The following TRPM3 variants were observed in gnomAD, a reference collection of about 807,000 sequenced individuals.
TRPM3 encodes the protein long transient receptor potential channel 3.
In TRPM3, 77 loss-of-function variants were observed where a neutral mutation model predicts 181.2. The observed-to-expected ratio is 0.42, with a 90% CI of 0.35 to 0.51. The LOEUF (loss-of-function observed/expected upper bound fraction) is 0.51. Ranked by LOEUF, TRPM3 falls within the 20% of genes least tolerant of loss-of-function variation. The probability of loss-of-function intolerance (pLI) is 0.01; values close to 1 mark genes in which losing one functional copy is unlikely to be tolerated. For synonymous variants in TRPM3, 745 were observed against 796.4 expected (o/e 0.94, Z 1.09); for missense variants, 1,759 against 2,196.7 (o/e 0.80, Z 3.98).
At chr9:71,353,435 T>G (rs1048566381) in intron 1 of TRPM3, among the ~76,000 whole-genome samples, 5 of 152,284 alleles carry the variant, frequency 3.3e-5, no homozygotes, top group African/African-American at 1.2e-4. Context: ...TACTGTCCCC[T>G]GGCTTTTCCT....
chr9:70,874,526 A>C lies in TRPM3; in HGVS notation c.178-10015T>G, dbSNP rs150900146. 5.2e-4 allele frequency among the ~76,000 whole-genome samples: 79 copies of C among 152,060 alleles called. No homozygotes were observed. In the East Asian group the frequency reaches 0.014, roughly 28 times the overall value. On this transcript the variant is annotated intron_variant, in intron 1 of 25. Transcript: ENST00000677713. ...ATGAGGCTATGCTGGTGGGAATTAT[A>C]ACTTCGTTTTCTGTCAAGTAAATGC...
At chr9:70,673,949 C>CAAAAAAA (rs5898160) in intron 9 of TRPM3, among the ~76,000 whole-genome samples, 2 of 89,630 alleles carry the variant, frequency 2.2e-5, no homozygotes, top group Non-Finnish European at 4.0e-5. Flanking sequence ...AACTCCATCT[C>CAAAAAAA]AAAAAAAAAA....
At chr9:71,256,011 ATC>A (rs2082649361) in intron 1 of TRPM3, among the ~76,000 whole-genome samples, 1 of 152,234 alleles carries the variant, frequency 6.6e-6, no homozygotes, top group African/African-American at 2.4e-5. Context: ...TGCTTCCAAG[ATC>A]TGAGATGTGA....
chr9:70,954,789 C>T (rs1037448465), intron 1 of TRPM3, among the ~76,000 whole-genome samples: 24 of 150,962 alleles, frequency 1.6e-4, no homozygotes, highest in African/African-American at 5.8e-4. Context: ...CACCATACAT[C>T]CTCGGGGAGA....
chr9:71,209,730 T>C (rs1200723551), intron 1 of TRPM3, among the ~76,000 whole-genome samples: 6 of 152,148 alleles, frequency 3.9e-5, no homozygotes, highest in African/African-American at 9.7e-5. Context: ...CATTATTAAA[T>C]AGTTGGAAAA....
At chr9:71,407,852 G>A (rs540471920) in intron 1 of TRPM3, among the ~76,000 whole-genome samples, 9 of 152,236 alleles carry the variant, frequency 5.9e-5, no homozygotes, top group African/African-American at 1.4e-4. Context: ...TCATACAGCC[G>A]GGTGCCCCTC....
chr9:71,031,334 T>A (rs2057274534), intron 1 of TRPM3, among the ~76,000 whole-genome samples: 1 of 152,204 alleles, frequency 6.6e-6, no homozygotes, highest in Non-Finnish European at 1.5e-5. Flanking sequence ...GACAGCAGAA[T>A]TATGGTTAGC....
At position 71,338,675 on chromosome 9, in the gene TRPM3, CA is replaced by C. The variant is rs142305654; in HGVS notation, c.183+107977del. ...CTGAAATAAAACATGTAACTAGCTG[CA>C]AAAAAAAGCCTTTGACAAGATTTAA... On this transcript the variant is annotated intron_variant, in intron 1 of 24. Coordinates refer to the TRPM3 transcript ENST00000357533. Among the ~76,000 whole-genome samples, 733 of 151,132 alleles carry C rather than the reference CA, an allele frequency of 4.9e-3. 10 individuals are homozygous for C. Among genetic ancestry groups the C allele is most frequent in the African/African-American group, 0.017 (703 of 41,216 alleles).
chr9:70,657,817 A>T (rs1430076225), intron 9 of TRPM3, among the ~76,000 whole-genome samples: 1 of 152,148 alleles, frequency 6.6e-6, no homozygotes, highest in African/African-American at 2.4e-5. Flanking sequence ...CGATCAAAGT[A>T]AACTGCATTC....
At chr9:71,098,186 T>C (rs970110080) in intron 1 of TRPM3, among the ~76,000 whole-genome samples, 1 of 152,062 alleles carries the variant, frequency 6.6e-6, no homozygotes, top group African/African-American at 2.4e-5. Context: ...TATCTACTAC[T>C]GACACAACCC....
intron 6 of TRPM3, among the ~76,000 whole-genome samples, chr9:70,793,077 C>G (rs921334107): frequency 6.6e-6 from 1 of 152,246 alleles, no homozygotes; most frequent in South Asian, 2.1e-4. Context: ...AAAATAACTT[C>G]TTAGCCCATG....
At chr9:70,956,330 C>T (rs2097071627) in intron 1 of TRPM3, among the ~76,000 whole-genome samples, 1 of 103,844 alleles carries the variant, frequency 9.6e-6, no homozygotes. Context: ...CCTTAGAAAG[C>T]ACTGGCTTCT....
At chr9:70,697,605 G>C (rs1038228462) in intron 8 of TRPM3, among the ~76,000 whole-genome samples, 1 of 152,122 alleles carries the variant, frequency 6.6e-6, no homozygotes, top group African/African-American at 2.4e-5. Flanking sequence ...TAGAATGACT[G>C]TTTAGGAGTG....
At chr9:71,248,343 G>T (rs1159542965) in intron 1 of TRPM3, among the ~76,000 whole-genome samples, 1 of 152,168 alleles carries the variant, frequency 6.6e-6, no homozygotes, top group African/African-American at 2.4e-5. Context: ...TCTGGGTATG[G>T]TAAGGTGGTT....
At chr9:71,149,902 G>A (rs1196614164) in intron 1 of TRPM3, among the ~76,000 whole-genome samples, 1 of 152,046 alleles carries the variant, frequency 6.6e-6, no homozygotes, top group African/African-American at 2.4e-5. Flanking sequence ...GGTCAAAACT[G>A]TAGTGAGCTG....
intron 1 of TRPM3, among the ~76,000 whole-genome samples, chr9:71,193,306 C>G (rs1176038755): frequency 6.6e-6 from 1 of 151,750 alleles, no homozygotes; most frequent in East Asian, 1.9e-4. Flanking sequence ...CTGTAAATAT[C>G]TGAAAAAGTC....
At position 71,196,747 on chromosome 9, in the gene TRPM3, C is replaced by A. The variant is rs187904366; in HGVS notation, c.183+249906G>T. 2.3e-3 allele frequency among the ~76,000 whole-genome samples: 354 copies of A among 152,136 alleles called. 1 individual carries two copies. Among genetic ancestry groups the A allele is most frequent in the Non-Finnish European group, 4.0e-3 (275 of 67,966 alleles). ...TATTTAGCAGTATTTGTAGGACTTA[C>A]ATGTGTTTCAAAGAAAACTAGGATA... On this transcript the variant is annotated intron_variant, in intron 1 of 24. Coordinates refer to the TRPM3 transcript ENST00000357533.
intron 1 of TRPM3, among the ~76,000 whole-genome samples, chr9:70,915,125 C>G (rs1410074442): frequency 6.6e-6 from 1 of 152,080 alleles, no homozygotes; most frequent in Non-Finnish European, 1.5e-5. Context: ...CATAGAGAAA[C>G]AGAGATATGT....
chr9:70,745,729 G>T (rs1262249869), intron 8 of TRPM3, among the ~76,000 whole-genome samples: 1 of 152,092 alleles, frequency 6.6e-6, no homozygotes, highest in East Asian at 1.9e-4. Flanking sequence ...TTTTGTCATT[G>T]GTGTTAAACA....
Sources: gnomAD v4.1 joint callset for allele counts (sites outside exome capture counted in the v4.1 genomes callset) on GRCh38, gnomAD v4.1.1 for gene constraint, MANE v1.5 for transcripts, NCBI Gene and HGNC (gene_info 2026-07-23, HGNC 2026-07-21) for gene names.